Variants in CHMP6 observed in about 807,000 individuals in gnomAD.
The protein encoded by CHMP6 is charged multivesicular body protein 6.
Under a neutral mutation model 32.8 loss-of-function variants are expected in CHMP6, and 10 were observed. The observed-to-expected ratio is 0.30, with a 90% confidence interval of 0.19 to 0.52. CHMP6 has a LOEUF of 0.52. Ranked by LOEUF, CHMP6 falls within the 20% of genes least tolerant of loss-of-function variation. The pLI, the probability that CHMP6 is intolerant of heterozygous loss-of-function variation, is 0.97. For missense variants in CHMP6, 269 were observed against 263.8 expected (o/e 1.02, Z -0.14); for synonymous variants, 123 against 105.8 (o/e 1.16, Z -1.00).
At position 80,998,430 on chromosome 17, in the gene CHMP6, T is replaced by C. The variant is rs779409587; in HGVS notation, c.550+10T>C. Reference sequence around the variant, plus strand: ...CCTGAGAAGATCCCAGGTATTTCCATGTTTGATTCTTTTGAATGGTTGGAA... The same window carrying C: ...CCTGAGAAGATCCCAGGTATTTCCACGTTTGATTCTTTTGAATGGTTGGAA... On this transcript the variant is annotated intron_variant, in intron 7 of 7. Transcript: ENST00000325167. 3.7e-6 allele frequency: 6 copies of C among 1,614,118 alleles called. No homozygotes were observed. The highest frequency in any genetic ancestry group is 3.3e-5 in the South Asian group (3 of 91,090).
Position 80,994,649 on chromosome 17 carries a change from G to T in CHMP6, c.132G>T (p.Glu44Asp). 5.7e-6 allele frequency: 9 copies of T among 1,583,896 alleles called. No individual in the cohort carries two copies. The highest frequency in any genetic ancestry group is 7.7e-6 in the Non-Finnish European group (9 of 1,167,204). ...QKRIAQQLER[E>D]RALARQLLRD... ...GGATCGCCCAGCAGCTGGAGCGCGA[G>T]CGCGCCCTGGCCCGGCAGCTGCTGC... The change falls in exon 2 of 8, where the codon GAG becomes GAT. Residue 44 changes from glutamate (E) to aspartate (D), a missense_variant. Coordinates refer to ENST00000325167, the MANE Select transcript of CHMP6 (RefSeq NM_024591.5).
At position 80,993,396 on chromosome 17, in the gene CHMP6, C is replaced by T. The variant is rs2069610025; in HGVS notation, c.64-1185C>T. 2.0e-5 allele frequency among the ~76,000 whole-genome samples: 3 copies of T among 152,322 alleles called. No homozygotes were observed. The South Asian group carries it at 6.2e-4, about 32-fold the overall frequency. ...GCCTTTGGCCCCTGGGTCTCCCCAG[C>T]AGTGGGGCTGGGCAGGGGGCACCTT... On this transcript the variant is annotated intron_variant, in intron 1 of 7. Transcript: ENST00000325167.
At chr17:80,998,032 C>T (rs911409765) in intron 6 of CHMP6, among the ~76,000 whole-genome samples, 7 of 152,224 alleles carry the variant, frequency 4.6e-5, no homozygotes, top group East Asian at 1.9e-4. Context: ...TGGACACCAG[C>T]GTGACCTGGG....
intron 7 of CHMP6, chr17:80,998,747 C>T (rs2069660878): frequency 1.6e-6 from 2 of 1,223,646 alleles, no homozygotes; most frequent in Non-Finnish European, 1.1e-6. Flanking sequence ...GGATGGCTCT[C>T]CCCGTGGCAC....
chr17:80,998,390 C>T lies in CHMP6; in HGVS notation c.520C>T (p.Pro174Ser), dbSNP rs2069657124. 1.9e-6 allele frequency: 3 copies of T among 1,614,090 alleles called. No individual in the cohort carries two copies. Among genetic ancestry groups the T allele is most frequent in the South Asian group, 1.1e-5 (1 of 91,090 alleles). ...GGAACAAATAGAGCTGCCAGAGGTT[C>T]CCTCCGAGCCCCTTCCTGAGAAGAT... ...TQEQIELPEV[P>S]SEPLPEKIPE... The change falls in exon 7 of 8, where the codon CCC becomes TCC. Residue 174 changes from proline (P) to serine (S), a missense_variant. Pro to Ser is a moderately conservative substitution (Grantham distance 74, BLOSUM62 -1). Coordinates refer to ENST00000325167, the MANE Select transcript of CHMP6 (RefSeq NM_024591.5).
chr17:80,997,892 T>C (rs1427930637), intron 6 of CHMP6, among the ~76,000 whole-genome samples: 1 of 152,236 alleles, frequency 6.6e-6, no homozygotes, highest in Non-Finnish European at 1.5e-5. Flanking sequence ...CTTGTCCAGT[T>C]ACTTTCTCCT....
At chr17:80,994,327 C>T (rs1275365298) in intron 1 of CHMP6, among the ~76,000 whole-genome samples, 1 of 152,186 alleles carries the variant, frequency 6.6e-6, no homozygotes, top group African/African-American at 2.4e-5. Flanking sequence ...GTGGTCTTCC[C>T]CATCCCTGTG....
rs943250721 is a variant in CHMP6, at chr17:80,995,022, G to A, written c.177G>A (p.Arg59=). Residue 59 remains arginine (R), a synonymous_variant, in exon 3 of 8, where the codon CGG becomes CGA. Transcript: ENST00000325167. ...RQLLRDGRKE[R]AKLLLKKKRY... ...ACTCTCGGGCTTCCCTCTGCAGACG[G>A]GCCAAGCTGCTGCTCAAGAAGAAGC... The A allele has an allele frequency of 1.3e-6, 2 of 1,593,546 alleles. No homozygotes were observed. Among genetic ancestry groups the A allele is most frequent in the African/African-American group, 2.7e-5 (2 of 74,764 alleles).
At chr17:80,998,791 G>C in intron 7 of CHMP6, 1 of 902,818 alleles carries the variant, frequency 1.1e-6, no homozygotes, top group Non-Finnish European at 1.6e-6. Flanking sequence ...TGCCCACTGG[G>C]AAGCTGACTT....
At chr17:80,992,555 G>A (rs2069602195) in intron 1 of CHMP6, among the ~76,000 whole-genome samples, 1 of 152,136 alleles carries the variant, frequency 6.6e-6, no homozygotes, top group South Asian at 2.1e-4. Context: ...GCCGACAGGT[G>A]CGCCGAACGC....
chr17:80,995,615 C>G, intron 3 of CHMP6, 57 bp from the exon 4 acceptor site: 1 of 1,504,576 alleles, frequency 6.6e-7, no homozygotes, highest in Non-Finnish European at 9.2e-7. Flanking sequence ...GCCCCAGGGC[C>G]GGGAGGAGGG....
chr17:80,991,894 TC>T lies in CHMP6; in HGVS notation c.-22del. On this transcript the variant is annotated 5_prime_UTR_variant, in exon 1 of 8. Coordinates refer to ENST00000325167, the MANE Select transcript of CHMP6 (RefSeq NM_024591.5). ...GGCGGTGGCGATTGGACTTGGTGGGTCCCGGGCCAGGGGCGGGCGCCGCCAT... is the reference window on the plus strand; with the variant it reads ...GGCGGTGGCGATTGGACTTGGTGGGTCCGGGCCAGGGGCGGGCGCCGCCAT... The T allele has an allele frequency of 2.1e-6, 3 of 1,440,608 alleles. No homozygotes were observed. Among genetic ancestry groups the T allele is most frequent in the Non-Finnish European group, 1.8e-6 (2 of 1,088,454 alleles). 89.2% of individuals were successfully genotyped at this position (1,440,608 alleles called of 1,614,324 possible).
rs143663975 is a variant in CHMP6, at chr17:80,994,679, C to A, written c.162C>A (p.Asp54Glu). The change falls in exon 2 of 8, where the codon GAC becomes GAA. Residue 54 changes from aspartate (D) to glutamate (E), a missense_variant. Asp to Glu is a conservative substitution (Grantham distance 45). Transcript: ENST00000325167. ...ERALARQLLR[D>E]GRKERAKLLL... Reference sequence around the variant, plus strand: ...CCCTGGCCCGGCAGCTGCTGCGGGACGGCAGGAAGGAGTGAGTGGGGCCCG... The same window carrying A: ...CCCTGGCCCGGCAGCTGCTGCGGGAAGGCAGGAAGGAGTGAGTGGGGCCCG... The A allele has an allele frequency of 4.5e-6, 7 of 1,571,486 alleles. No homozygotes were observed. In the Admixed American group the frequency reaches 1.1e-4, roughly 25 times the overall value.
intron 2 of CHMP6, 36 bp downstream of exon 2, chr17:80,994,726 G>A (rs1237391316): frequency 7.4e-7 from 1 of 1,356,002 alleles, no homozygotes; most frequent in East Asian, 2.8e-5. Flanking sequence ...CACCCTGTCG[G>A]CTGGGGTGGG....
chr17:80,992,378 C>T (rs2069600273), intron 1 of CHMP6, among the ~76,000 whole-genome samples: 1 of 120,206 alleles, frequency 8.3e-6, no homozygotes, highest in Non-Finnish European at 1.8e-5. Context: ...TCCCGGCTCT[C>T]CCGGAGTCGC....
chr17:80,996,127 C>T (rs2069635583), intron 4 of CHMP6, among the ~76,000 whole-genome samples: 1 of 152,026 alleles, frequency 6.6e-6, no homozygotes, highest in African/African-American at 2.4e-5. Flanking sequence ...CGAGACCAGC[C>T]TGGCCAACAT....
At chr17:80,997,224 C>T (rs373884095) in intron 5 of CHMP6, 37 bp from the exon 6 acceptor site, 1 of 1,612,348 alleles carries the variant, frequency 6.2e-7, no homozygotes, top group Non-Finnish European at 8.5e-7. Flanking sequence ...GAGGGGCCAC[C>T]TCCTCGCTGC....
chr17:80,999,144 A>C lies in CHMP6; in HGVS notation c.597A>C (p.Ala199=). 9 of 1,613,978 alleles carry C rather than the reference A, an allele frequency of 5.6e-6. No homozygotes were observed. The highest frequency in any genetic ancestry group is 6.8e-6 in the Non-Finnish European group (8 of 1,179,936). Residue 199 remains alanine (A), a synonymous_variant, in exon 8 of 8, where the codon GCA becomes GCC. Transcript: ENST00000325167. ...GGCCCAGGCAGGCGGAGCTGGTGGC[A>C]GCTTCGTAACGTGGCCTCGTCTTGT... ...KARPRQAELV[A]AS
In CHMP6 at chr17:80,991,963, G is replaced by A; in HGVS notation, c.45G>A (p.Glu15=). The A allele has an allele frequency of 6.9e-7, 1 of 1,450,756 alleles. No homozygotes were observed. The highest frequency in any genetic ancestry group is 9.1e-7 in the Non-Finnish European group (1 of 1,093,136). 89.9% of individuals were successfully genotyped at this position (1,450,756 alleles called of 1,614,324 possible). A position where few individuals can be genotyped will look rare whatever the true frequency, so the allele number is the denominator to read the frequency against. Residue 15 remains glutamate, a synonymous_variant, in exon 1 of 8, where the codon GAG becomes GAA. Coordinates refer to ENST00000325167, the MANE Select transcript of CHMP6 (RefSeq NM_024591.5). ...GCAAGAAGCAGAGCCGCGTCACGGAGCAGGACAAGGCCATCCTGGTGAGGG... is the reference window on the plus strand; with the variant it reads ...GCAAGAAGCAGAGCCGCGTCACGGAACAGGACAAGGCCATCCTGGTGAGGG... The part of the protein sequence containing the change: ...FGRKKQSRVT[E]QDKAILQLKQ...
Sources: allele counts gnomAD v4.1 joint callset (sites outside exome capture counted in the v4.1 genomes callset), GRCh38; gene constraint gnomAD v4.1.1; transcripts MANE v1.5; gene names NCBI Gene and HGNC (gene_info 2026-07-23, HGNC 2026-07-21).